SNRPB2: variants seen among roughly 807,000 people sequenced by gnomAD.
The protein encoded by SNRPB2 is U2 small nuclear ribonucleoprotein B''.
Under a neutral mutation model 26.3 loss-of-function variants are expected in SNRPB2, and 16 were observed. That is an observed-to-expected ratio of 0.61 (90% CI 0.41 to 0.92). The LOEUF is 0.92. Ranked by LOEUF, SNRPB2 falls within the 40% of genes least tolerant of loss-of-function variation. The pLI is 0.00. For synonymous variants in SNRPB2, 75 were observed against 89.0 expected, an observed-to-expected ratio of 0.84 and a Z score of 0.88; for missense variants, 179 against 268.1, an observed-to-expected ratio of 0.67 and a Z score of 2.32.
At chr20:16,737,428 T>C (rs753040142) in intron 4 of SNRPB2, 27 bp downstream of exon 4, 19 of 1,564,994 alleles carry the variant, frequency 1.2e-5, no homozygotes, top group Non-Finnish European at 1.5e-5. Context: ...AAGTTCCTGT[T>C]TGTATTGGTG....
chr20:16,740,762 A>G, intron 6 of SNRPB2, 84 bp from the exon 7 acceptor site: 1 of 1,018,108 alleles, frequency 9.8e-7, no homozygotes, highest in South Asian at 1.5e-5. Flanking sequence ...TTGGACTAGT[A>G]TTAGGAAGTT....
Position 16,733,895 on chromosome 20 carries a change from G to A in SNRPB2, c.237+1559G>A, listed in dbSNP as rs370273693. ...CAGGAAACTGTGGGATGGTACCTAT[G>A]TAATGTAATTTTTAGTATATTGGTG... On this transcript the variant is annotated intron_variant, in intron 3 of 6. Transcript: ENST00000246071. 2.2e-4 allele frequency among the ~76,000 whole-genome samples: 34 copies of A among 152,304 alleles called. No individual in the cohort carries two copies. The East Asian group carries it at 2.9e-3, about 13-fold the overall frequency.
At chr20:16,735,305 T>TGTACAGATTACTACAAAGTAGTAATC (rs2072418143) in intron 3 of SNRPB2, among the ~76,000 whole-genome samples, 1 of 152,148 alleles carries the variant, frequency 6.6e-6, no homozygotes, top group African/African-American at 2.4e-5. Flanking sequence ...ACAAAGTAAT[T>TGTACAGATTACTACAAAGTAGTAATC]TGTACAGATT....
At chr20:16,733,581 C>T (rs576739408) in intron 3 of SNRPB2, among the ~76,000 whole-genome samples, 10 of 152,246 alleles carry the variant, frequency 6.6e-5, no homozygotes, top group South Asian at 2.1e-4. Flanking sequence ...GCAAACTTTC[C>T]GTAAAGGACC....
At chr20:16,738,593 A>G (rs977825429) in intron 4 of SNRPB2, among the ~76,000 whole-genome samples, 24 of 152,208 alleles carry the variant, frequency 1.6e-4, no homozygotes, top group African/African-American at 5.5e-4. Context: ...ATTTCTCCAT[A>G]ATTTTAAAGC....
In SNRPB2 at chr20:16,731,666, A is replaced by C. The variant is rs368657082; in HGVS notation, c.-35-2A>C. On this transcript the variant is annotated splice_acceptor_variant, in intron 1 of 6. Coordinates refer to ENST00000246071, the MANE Select transcript of SNRPB2 (RefSeq NM_003092.5). LOFTEE classifies it low-confidence loss of function (5UTR_SPLICE). ...TAATTTACTCCTTCCTTTTTATAAC[A>C]GATTTTTTACTGTCTCCTGAAGAAT... 5.0e-6 allele frequency: 8 copies of C among 1,608,480 alleles called. No individual in the cohort carries two copies. The African/African-American group carries it at 9.4e-5, about 19-fold the overall frequency.
intron 3 of SNRPB2, among the ~76,000 whole-genome samples, chr20:16,732,974 A>G (rs934236629): frequency 1.1e-4 from 16 of 152,238 alleles, no homozygotes; most frequent in Non-Finnish European, 2.4e-4. Context: ...GTAGAGGATC[A>G]GATAAGGGTG....
intron 3 of SNRPB2, 97 bp from the exon 4 acceptor site, chr20:16,737,164 C>A: frequency 2.1e-6 from 2 of 931,008 alleles, no homozygotes; most frequent in Non-Finnish European, 3.1e-6. Context: ...TTAAAATTAG[C>A]TTGTAGTGTA....
At chr20:16,737,879 A>G (rs2072437432) in intron 4 of SNRPB2, among the ~76,000 whole-genome samples, 1 of 151,846 alleles carries the variant, frequency 6.6e-6, no homozygotes. Flanking sequence ...TACTAAAAAT[A>G]CAAAAAAAAT....
chr20:16,735,898 T>C (rs996308378), intron 3 of SNRPB2, among the ~76,000 whole-genome samples: 2 of 152,248 alleles, frequency 1.3e-5, no homozygotes, highest in African/African-American at 4.8e-5. Flanking sequence ...TTTTAACTAT[T>C]GGAAGTAACA....
At chr20:16,737,224 G>T (rs916584187) in intron 3 of SNRPB2, 37 bp from the exon 4 acceptor site, 1 of 1,526,628 alleles carries the variant, frequency 6.6e-7, no homozygotes, top group South Asian at 1.3e-5. Context: ...ACATCCTTCA[G>T]CATGAGAAGT....
intron 3 of SNRPB2, 67 bp from the exon 4 acceptor site, chr20:16,737,194 A>C (rs1463222257): frequency 5.5e-6 from 7 of 1,268,324 alleles, no homozygotes; most frequent in Non-Finnish European, 7.6e-6. Flanking sequence ...TGAAATTTGA[A>C]ATATTAATGA....
chr20:16,736,654 T>G (rs1397107871), intron 3 of SNRPB2, among the ~76,000 whole-genome samples: 1 of 152,158 alleles, frequency 6.6e-6, no homozygotes, highest in East Asian at 1.9e-4. Context: ...ATGGCGATTT[T>G]CTTTATTTTT....
Position 16,741,019 on chromosome 20 carries a change from C to T in SNRPB2, c.*14C>T, listed in dbSNP as rs557143425. On this transcript the variant is annotated 3_prime_UTR_variant, in exon 7 of 7. Transcript: ENST00000246071. ...GCCAAGAAATAACATTTGGGATAGT[C>T]GTCTTTAAAAGACTTGGTGTTATTT... The T allele has an allele frequency of 2.9e-5, 45 of 1,578,494 alleles. No homozygotes were observed. Among genetic ancestry groups the T allele is most frequent in the South Asian group, 2.7e-4 (24 of 87,448 alleles).
rs1423736709 is a variant in SNRPB2 at position 16,732,159 on chromosome 20, G to A, written c.65-5G>A. ...AATAACTTGTTTCTTTTCTAATTTG[G>A]ACAGAATTGAAGAGATCCCTATATG... is the stretch of plus-strand genomic sequence containing the variant. On this transcript the variant is annotated splice_region_variant and splice_polypyrimidine_tract_variant and intron_variant, in intron 2 of 6. Coordinates refer to ENST00000246071, the MANE Select transcript of SNRPB2 (RefSeq NM_003092.5). 8 of 1,546,794 alleles carry A rather than the reference G, an allele frequency of 5.2e-6. 1 individual carries two copies. Among genetic ancestry groups the A allele is most frequent in the African/African-American group, 1.4e-5 (1 of 71,628 alleles).
intron 1 of SNRPB2, 63 bp downstream of exon 1, chr20:16,730,227 A>C (rs2072380056): frequency 6.7e-6 from 1 of 149,948 alleles, no homozygotes; most frequent in Non-Finnish European, 1.5e-5. Flanking sequence ...GAGGAGACTG[A>C]CTCTGGGGCC....
chr20:16,736,279 A>C (rs1045607211), intron 3 of SNRPB2, among the ~76,000 whole-genome samples: 6 of 152,040 alleles, frequency 3.9e-5, no homozygotes, highest in African/African-American at 1.4e-4. Flanking sequence ...GCAGGGACAG[A>C]GAACAGATGA....
intron 5 of SNRPB2, among the ~76,000 whole-genome samples, chr20:16,739,490 C>T (rs868238373): frequency 1.6e-4 from 24 of 151,698 alleles, no homozygotes; most frequent in Middle Eastern, 3.4e-3. Flanking sequence ...TTCCAGATGG[C>T]GGGGTCTGGC....
In SNRPB2 at chr20:16,741,718, A is replaced by G. The variant is rs777108617; in HGVS notation, c.*713A>G. On this transcript the variant is annotated 3_prime_UTR_variant, in exon 7 of 7. Coordinates refer to ENST00000246071, the MANE Select transcript of SNRPB2 (RefSeq NM_003092.5). ...CTCCAGGGTAAAAATTTTTTGATCT[A>G]TAGTCTCTTTTCCCCCTTAAGACAA... 1.1e-4 allele frequency: 17 copies of G among 152,318 alleles called. No individual in the cohort carries two copies. The Middle Eastern group carries it at 0.01, about 91-fold the overall frequency. The allele number at this position is 152,318 out of a possible 1,614,324, so 9.4% of individuals were successfully genotyped here.
Sources: allele counts gnomAD v4.1 joint callset (sites outside exome capture counted in the v4.1 genomes callset), GRCh38; gene constraint gnomAD v4.1.1; transcripts MANE v1.5; gene names NCBI Gene and HGNC (gene_info 2026-07-23, HGNC 2026-07-21).